MTHFD2L: variants seen among roughly 807,000 people sequenced by gnomAD.
MTHFD2L encodes bifunctional methylenetetrahydrofolate dehydrogenase/cyclohydrolase 2, mitochondrial.
In MTHFD2L, 29 loss-of-function variants were observed where a neutral mutation model predicts 34.9. That is an observed-to-expected ratio of 0.83 (90% CI 0.62 to 1.13). MTHFD2L has a LOEUF of 1.13. Among genes scored for constraint, MTHFD2L ranks in the 50% most tolerant of loss-of-function variants. The pLI is 0.00. For missense variants in MTHFD2L, 481 were observed against 446.5 expected (o/e 1.08, Z -0.70); for synonymous variants, 167 against 155.7 (o/e 1.07, Z -0.54).
intron 3 of MTHFD2L, chr4:74,190,591 G>A (rs867306890): frequency 4.7e-6 from 4 of 857,854 alleles, no homozygotes; most frequent in South Asian, 1.1e-4. Flanking sequence ...AGGTTAGAGT[G>A]TGTTCCCATT....
chr4:74,278,179 T>C (rs2110266638), intron 6 of MTHFD2L, among the ~76,000 whole-genome samples: 1 of 152,270 alleles, frequency 6.6e-6, no homozygotes, highest in South Asian at 2.1e-4. Context: ...ACATGATTTC[T>C]AGACTGATTC....
chr4:74,133,843 C>A (rs1361073021), intron 1 of MTHFD2L, among the ~76,000 whole-genome samples: 1 of 152,032 alleles, frequency 6.6e-6, no homozygotes, highest in Non-Finnish European at 1.5e-5. Context: ...TTGCTTCTCT[C>A]CCCTCCACCA....
chr4:74,160,081 T>G, intron 1 of MTHFD2L: 1 of 1,289,504 alleles, frequency 7.8e-7, no homozygotes, highest in South Asian at 1.2e-5. Context: ...AGATTCCATC[T>G]TCCAGAGGTT....
At chr4:74,264,027 T>G (rs1745001822) in intron 6 of MTHFD2L, among the ~76,000 whole-genome samples, 1 of 152,008 alleles carries the variant, frequency 6.6e-6, no homozygotes, top group Admixed American at 6.6e-5. Context: ...AAAAAAAAAT[T>G]ATCAGCAAAC....
intron 3 of MTHFD2L, among the ~76,000 whole-genome samples, chr4:74,176,114 A>G (rs902851359): frequency 1.3e-5 from 2 of 152,022 alleles, no homozygotes; most frequent in Non-Finnish European, 2.9e-5. Flanking sequence ...GCGTCACTTC[A>G]TCTGAGATGT....
Position 74,140,545 on chromosome 4 carries a change from A to G in MTHFD2L, c.-297+15028A>G, listed in dbSNP as rs999100829. The G allele has an allele frequency of 1.3e-5, 13 of 979,260 alleles. 1 individual carries two copies. Among genetic ancestry groups the G allele is most frequent in the Middle Eastern group, 1.1e-3 (2 of 1,904 alleles). 60.7% of individuals were successfully genotyped at this position (979,260 alleles called of 1,614,324 possible). On this transcript the variant is annotated intron_variant, in intron 1 of 7. Coordinates refer to the MTHFD2L transcript ENST00000433372. Reference sequence around the variant, plus strand: ...TGTGCACACCTTTTTCATGTTGTGCATTATTCATTTAGGCTATACTACAAA... The same window carrying G: ...TGTGCACACCTTTTTCATGTTGTGCGTTATTCATTTAGGCTATACTACAAA...
At chr4:74,267,405 TTTTC>T (rs1745447643) in intron 6 of MTHFD2L, 4 of 360,494 alleles carry the variant, frequency 1.1e-5, no homozygotes, top group Non-Finnish European at 1.5e-5. Context: ...TCTTTCTTTC[TTTTC>T]TTTCTTTCTT....
intron 6 of MTHFD2L, among the ~76,000 whole-genome samples, chr4:74,278,534 T>TATTG (rs1746987891): frequency 6.6e-6 from 1 of 152,224 alleles, no homozygotes; most frequent in East Asian, 1.9e-4. Flanking sequence ...GCTGATCAGT[T>TATTG]ATTGTGACCT....
intron 1 of MTHFD2L, among the ~76,000 whole-genome samples, chr4:74,146,819 C>T (rs1237363331): frequency 6.6e-6 from 1 of 151,960 alleles, no homozygotes; most frequent in African/African-American, 2.4e-5. Context: ...TATAGGCAAT[C>T]TTCATTGCTT....
chr4:74,230,212 G>A (rs1202574793), intron 6 of MTHFD2L, among the ~76,000 whole-genome samples: 2 of 152,180 alleles, frequency 1.3e-5, no homozygotes, highest in Non-Finnish European at 2.9e-5. Flanking sequence ...AATAAAAAGT[G>A]AAATATTTAT....
At chr4:74,294,858 T>G (rs752053401) in intron 7 of MTHFD2L, among the ~76,000 whole-genome samples, 33 of 152,044 alleles carry the variant, frequency 2.2e-4, no homozygotes, top group Admixed American at 8.5e-4. Context: ...ATCAGCCACA[T>G]AGGGGAGAAG....
At chr4:74,209,150 G>A (rs560959797) in intron 5 of MTHFD2L, among the ~76,000 whole-genome samples, 1 of 152,256 alleles carries the variant, frequency 6.6e-6, no homozygotes, top group African/African-American at 2.4e-5. Flanking sequence ...TTTGCACAGG[G>A]AGAGTGAGGC....
chr4:74,148,173 A>G (rs1252137349), intron 1 of MTHFD2L, among the ~76,000 whole-genome samples: 1 of 152,050 alleles, frequency 6.6e-6, no homozygotes, highest in African/African-American at 2.4e-5. Flanking sequence ...AATTAATCAT[A>G]TATGCAAAGC....
At chr4:74,139,738 T>C (rs1440327993) in intron 1 of MTHFD2L, among the ~76,000 whole-genome samples, 1 of 152,234 alleles carries the variant, frequency 6.6e-6, no homozygotes, top group Admixed American at 6.5e-5. Flanking sequence ...GATAAAGCAC[T>C]GCTTCTGCTG....
At chr4:74,262,845 T>C (rs1265596567) in intron 6 of MTHFD2L, among the ~76,000 whole-genome samples, 1 of 152,022 alleles carries the variant, frequency 6.6e-6, no homozygotes, top group East Asian at 1.9e-4. Context: ...GTGCACTTCA[T>C]ATGACCTAGA....
intron 1 of MTHFD2L, among the ~76,000 whole-genome samples, chr4:74,142,278 C>T (rs922140726): frequency 6.6e-6 from 1 of 152,100 alleles, no homozygotes; most frequent in Non-Finnish European, 1.5e-5. Flanking sequence ...TTGTGTTCCC[C>T]CAAAATTCAT....
At chr4:74,234,048 G>A (rs1442410454) in intron 6 of MTHFD2L, among the ~76,000 whole-genome samples, 1 of 152,006 alleles carries the variant, frequency 6.6e-6, no homozygotes, top group Non-Finnish European at 1.5e-5. Context: ...TCACTGTGGA[G>A]AATCACAGAC....
chr4:74,272,191 C>T (rs946257626), intron 6 of MTHFD2L, among the ~76,000 whole-genome samples: 1 of 152,176 alleles, frequency 6.6e-6, no homozygotes, highest in African/African-American at 2.4e-5. Flanking sequence ...TTTAATCTGG[C>T]AACTCCCCTT....
At chr4:74,164,483 G>T (rs561793070) in intron 1 of MTHFD2L, among the ~76,000 whole-genome samples, 1 of 152,294 alleles carries the variant, frequency 6.6e-6, no homozygotes, top group African/African-American at 2.4e-5. Context: ...CATGGAAACA[G>T]CACTAAGTGC....
Sources: allele counts gnomAD v4.1 joint callset (sites outside exome capture counted in the v4.1 genomes callset), GRCh38; gene constraint gnomAD v4.1.1; transcripts MANE v1.5; gene names NCBI Gene and HGNC (gene_info 2026-07-23, HGNC 2026-07-21).